CDK14: variants seen among roughly 807,000 people sequenced by gnomAD.
The protein encoded by CDK14 is cyclin-dependent kinase 14.
A neutral mutation model predicts 60.7 loss-of-function variants in CDK14; 34 were observed. The ratio of observed to expected loss-of-function variants is 0.56; its 90% CI spans 0.43 to 0.75. The LOEUF (loss-of-function observed/expected upper bound fraction) is 0.75, where lower values mean the gene tolerates loss of function less well. CDK14 is among the 30% of genes least tolerant of loss of function. The pLI is 0.00. For synonymous variants in CDK14, 197 were observed against 203.7 expected (o/e 0.97, Z 0.28); for missense variants, 482 against 564.1 (o/e 0.85, Z 1.47).
intron 5 of CDK14, among the ~76,000 whole-genome samples, chr7:90,809,509 A>G (rs1360538656): frequency 6.6e-6 from 1 of 152,198 alleles, no homozygotes; most frequent in Non-Finnish European, 1.5e-5. Context: ...AATGCCCACA[A>G]GAGAAAGCAG....
chr7:91,167,313 G>A lies in CDK14; in HGVS notation c.*29-39852G>A, dbSNP rs117395062. Among the ~76,000 whole-genome samples, 528 of 152,270 alleles carry A rather than the reference G, an allele frequency of 3.5e-3. 2 individuals carry two copies. The highest frequency in any genetic ancestry group is 5.2e-3 in the Non-Finnish European group (356 of 68,020). On this transcript the variant is annotated intron_variant, in intron 14 of 14. Coordinates refer to ENST00000380050, the MANE Select transcript of CDK14 (RefSeq NM_001287135.2). ...TTTTTTAAAAAAGGAGAAACAAAGG[G>A]CTCTCCACATTTGCCTTATTATATG...
rs1796753691 is a variant in CDK14, at chr7:91,031,357, C to T, written c.1042-14540C>T. Among the ~76,000 whole-genome samples the T allele has an allele frequency of 2.0e-5, 3 of 151,470 alleles. No individual in the cohort carries two copies. In the South Asian group the frequency reaches 6.3e-4, roughly 32 times the overall value. On this transcript the variant is annotated intron_variant, in intron 10 of 14. Coordinates refer to ENST00000380050, the MANE Select transcript of CDK14 (RefSeq NM_001287135.2). ...GTAGGCAAGCAGATGAATAATATTC[C>T]CTTTCGATAATCGTCATACAGGAGT...
At chr7:91,048,848 G>GT (rs1466045453) in intron 11 of CDK14, among the ~76,000 whole-genome samples, 1 of 151,758 alleles carries the variant, frequency 6.6e-6, no homozygotes, top group South Asian at 2.1e-4. Flanking sequence ...GTTGAGTTGT[G>GT]TTTTTTTAAA....
intron 2 of CDK14, among the ~76,000 whole-genome samples, chr7:90,604,549 A>G (rs1460683576): frequency 1.3e-5 from 2 of 152,182 alleles, no homozygotes; most frequent in African/African-American, 2.4e-5. Flanking sequence ...AGAGTGATGT[A>G]CGTGCTTAAG....
At chr7:90,862,859 C>G (rs1193941160) in intron 5 of CDK14, among the ~76,000 whole-genome samples, 1 of 152,074 alleles carries the variant, frequency 6.6e-6, no homozygotes, top group African/African-American at 2.4e-5. Context: ...GGTAAAATAA[C>G]TGAAAGAAGT....
intron 11 of CDK14, among the ~76,000 whole-genome samples, chr7:91,059,831 G>A (rs571964940): frequency 2.6e-5 from 4 of 152,280 alleles, no homozygotes; most frequent in African/African-American, 9.6e-5. Flanking sequence ...CCAAGTATGT[G>A]GTCAATTTTG....
intron 8 of CDK14, among the ~76,000 whole-genome samples, chr7:90,922,130 A>T (rs1332098547): frequency 6.6e-6 from 1 of 152,234 alleles, no homozygotes; most frequent in Admixed American, 6.5e-5. Context: ...TAAATCATTT[A>T]TGCACAAAAT....
At chr7:90,907,593 T>C (rs1792750472) in intron 7 of CDK14, among the ~76,000 whole-genome samples, 1 of 152,088 alleles carries the variant, frequency 6.6e-6, no homozygotes, top group Non-Finnish European at 1.5e-5. Context: ...TTCTAGAAGG[T>C]TCCCTGCAAA....
chr7:90,860,255 C>G (rs541666928), intron 5 of CDK14, among the ~76,000 whole-genome samples: 12 of 151,798 alleles, frequency 7.9e-5, no homozygotes, highest in Non-Finnish European at 1.8e-4. Flanking sequence ...TTTCACAGTT[C>G]TTTTATTCTT....
rs1000455832 is a variant in CDK14, at chr7:90,636,742, C to G, written c.123+32493C>G. Among the ~76,000 whole-genome samples, 24 of 152,290 alleles carry G rather than the reference C, an allele frequency of 1.6e-4. 1 individual carries two copies. The highest frequency in any genetic ancestry group is 5.8e-4 in the African/African-American group (24 of 41,564). On this transcript the variant is annotated intron_variant, in intron 2 of 14. Transcript: ENST00000380050. ...TCCTCCTTGTACCTGTGGTGGAATT[C>G]AGCTATGAATCCATCTGGTCCTGGA...
chr7:90,635,934 TTGTC>T (rs1800135231), intron 2 of CDK14, among the ~76,000 whole-genome samples: 1 of 152,036 alleles, frequency 6.6e-6, no homozygotes. Flanking sequence ...GGCTCTCTGT[TTGTC>T]TGTTACTGAT....
chr7:90,819,393 T>C (rs573038456), intron 5 of CDK14, among the ~76,000 whole-genome samples: 1 of 152,308 alleles, frequency 6.6e-6, no homozygotes, highest in Admixed American at 6.5e-5. Context: ...TGCACATAAA[T>C]ATACACATTG....
intron 10 of CDK14, among the ~76,000 whole-genome samples, chr7:91,032,674 A>G (rs1796795271): frequency 6.6e-6 from 1 of 152,136 alleles, no homozygotes; most frequent in African/African-American, 2.4e-5. Context: ...CTTCTCCCCT[A>G]AACCCCCCAG....
At chr7:90,945,939 G>T (rs550374357) in intron 8 of CDK14, among the ~76,000 whole-genome samples, 1 of 152,274 alleles carries the variant, frequency 6.6e-6, no homozygotes, top group African/African-American at 2.4e-5. Flanking sequence ...GAATATGGAA[G>T]AGGAGTAGGA....
At chr7:90,918,349 T>C (rs959783342) in intron 8 of CDK14, among the ~76,000 whole-genome samples, 1 of 152,250 alleles carries the variant, frequency 6.6e-6, no homozygotes, top group African/African-American at 2.4e-5. Context: ...GTTGAGGTTC[T>C]GGAATGAGCA....
At chr7:91,105,435 G>A (rs991816983) in intron 12 of CDK14, among the ~76,000 whole-genome samples, 3 of 152,168 alleles carry the variant, frequency 2.0e-5, no homozygotes, top group Admixed American at 2.0e-4. Context: ...CACTATGGAT[G>A]GGGATGTAAA....
chr7:91,199,727 T>C (rs1266878414), intron 14 of CDK14, among the ~76,000 whole-genome samples: 1 of 152,230 alleles, frequency 6.6e-6, no homozygotes, highest in Non-Finnish European at 1.5e-5. Flanking sequence ...ATCACCACTT[T>C]GGCATGAAGC....
At chr7:90,653,308 G>C (rs1347842379) in intron 2 of CDK14, among the ~76,000 whole-genome samples, 4 of 151,862 alleles carry the variant, frequency 2.6e-5, no homozygotes, top group Non-Finnish European at 5.9e-5. Flanking sequence ...GCTTCTAATA[G>C]TTACTAATAT....
intron 8 of CDK14, among the ~76,000 whole-genome samples, chr7:90,927,907 C>T (rs757154160): frequency 2.6e-5 from 4 of 152,036 alleles, no homozygotes; most frequent in Non-Finnish European, 1.5e-5. Context: ...CGGCTTTGTT[C>T]GTTTCTTTTT....
Sources: gnomAD v4.1 joint callset for allele counts (sites outside exome capture counted in the v4.1 genomes callset) on GRCh38, gnomAD v4.1.1 for gene constraint, MANE v1.5 for transcripts, NCBI Gene and HGNC (gene_info 2026-07-23, HGNC 2026-07-21) for gene names.